GRIP1: variants seen among roughly 807,000 people sequenced by gnomAD.
GRIP1 encodes the protein glutamate receptor-interacting protein 1.
In GRIP1, 45 loss-of-function variants were observed where a neutral mutation model predicts 129.9. That is an observed-to-expected ratio of 0.35 (90% confidence interval 0.27 to 0.44). The LOEUF is 0.44. Ranked by LOEUF, GRIP1 falls within the 20% of genes least tolerant of loss-of-function variation. The pLI is 1.00. For synonymous variants in GRIP1, 530 were observed against 520.8 expected (o/e 1.02, Z -0.24); for missense variants, 1,196 against 1,396.8 (o/e 0.86, Z 2.29).
intron 1 of GRIP1, among the ~76,000 whole-genome samples, chr12:67,027,689 C>G (rs2042959927): frequency 6.6e-6 from 1 of 152,056 alleles, no homozygotes; most frequent in South Asian, 2.1e-4. Context: ...TAGGAATTAA[C>G]TAGAAAAGAG....
intron 1 of GRIP1, among the ~76,000 whole-genome samples, chr12:66,817,785 ATT>A (rs1173117160): frequency 6.6e-6 from 1 of 152,220 alleles, no homozygotes; most frequent in Non-Finnish European, 1.5e-5. Flanking sequence ...TAAGTCAAAT[ATT>A]TTATGAAAAA....
At chr12:66,405,782 T>C (rs2057169169) in intron 16 of GRIP1, among the ~76,000 whole-genome samples, 1 of 152,188 alleles carries the variant, frequency 6.6e-6, no homozygotes, top group South Asian at 2.1e-4. Flanking sequence ...TAAAGATGTC[T>C]ATAAGAGTAC....
intron 1 of GRIP1, among the ~76,000 whole-genome samples, chr12:66,757,580 A>G (rs977033345): frequency 6.6e-6 from 1 of 152,202 alleles, no homozygotes. Flanking sequence ...CTTCCTCGAT[A>G]TACTAATTTC....
intron 2 of GRIP1, chr12:66,569,036 C>T (rs2062863562): frequency 2.5e-6 from 1 of 392,724 alleles, no homozygotes; most frequent in Non-Finnish European, 5.0e-6. Flanking sequence ...TGGTCTTCAG[C>T]AGTCTGCATC....
chr12:66,827,273 C>T (rs1221714378), intron 1 of GRIP1, among the ~76,000 whole-genome samples: 6 of 151,804 alleles, frequency 4.0e-5, no homozygotes, highest in Admixed American at 1.3e-4. Context: ...TCTAAGCATA[C>T]TCAGAATGTT....
chr12:66,955,290 C>CTT (rs1405448845), intron 1 of GRIP1, among the ~76,000 whole-genome samples: 1 of 152,102 alleles, frequency 6.6e-6, no homozygotes, highest in Non-Finnish European at 1.5e-5. Flanking sequence ...ATTTGCATCT[C>CTT]TAACCAGTTC....
intron 5 of GRIP1, among the ~76,000 whole-genome samples, chr12:66,526,604 A>G (rs1234515074): frequency 6.6e-6 from 1 of 152,162 alleles, no homozygotes. Context: ...AATATCATTC[A>G]GGACATAGGC....
chr12:66,897,790 C>T (rs766385876), intron 1 of GRIP1, among the ~76,000 whole-genome samples: 1 of 152,138 alleles, frequency 6.6e-6, no homozygotes, highest in Non-Finnish European at 1.5e-5. Flanking sequence ...TTTTGAAATA[C>T]CTTTCTAATG....
chr12:66,547,958 A>C (rs1385587131), intron 2 of GRIP1, among the ~76,000 whole-genome samples: 1 of 152,220 alleles, frequency 6.6e-6, no homozygotes, highest in Admixed American at 6.5e-5. Context: ...CTACAACTGC[A>C]TATGAATCTA....
At chr12:66,846,804 A>G (rs1042979322) in intron 1 of GRIP1, among the ~76,000 whole-genome samples, 1 of 152,156 alleles carries the variant, frequency 6.6e-6, no homozygotes, top group African/African-American at 2.4e-5. Flanking sequence ...ATGTGGGGAA[A>G]CACCTGGGTC....
At chr12:66,890,322 A>T (rs989432630) in intron 1 of GRIP1, among the ~76,000 whole-genome samples, 1 of 152,200 alleles carries the variant, frequency 6.6e-6, no homozygotes, top group Non-Finnish European at 1.5e-5. Context: ...GCAATGCTTG[A>T]ACCACAAACA....
intron 1 of GRIP1, among the ~76,000 whole-genome samples, chr12:67,064,759 A>T (rs894628243): frequency 9.3e-5 from 14 of 151,260 alleles, no homozygotes; most frequent in Non-Finnish European, 1.8e-4. Flanking sequence ...ATATTTTTTT[A>T]TTATTATTAT....
intron 1 of GRIP1, among the ~76,000 whole-genome samples, chr12:66,850,524 T>C (rs1039311791): frequency 9.9e-5 from 15 of 152,084 alleles, no homozygotes; most frequent in Admixed American, 9.2e-4. Flanking sequence ...AAGTCACATA[T>C]CTTGATGCAA....
At chr12:66,913,467 A>G (rs2041066777) in intron 1 of GRIP1, among the ~76,000 whole-genome samples, 2 of 152,238 alleles carry the variant, frequency 1.3e-5, no homozygotes, top group South Asian at 2.1e-4. Context: ...CCAGTAAAAC[A>G]TCTGGTTTTC....
intron 1 of GRIP1, among the ~76,000 whole-genome samples, chr12:66,818,126 T>G (rs1473948580): frequency 6.6e-6 from 1 of 152,244 alleles, no homozygotes; most frequent in Non-Finnish European, 1.5e-5. Flanking sequence ...TATCAGTTGT[T>G]CTTTCTTACA....
intron 1 of GRIP1, among the ~76,000 whole-genome samples, chr12:66,629,232 G>A (rs969101655): frequency 2.6e-5 from 4 of 152,168 alleles, no homozygotes; most frequent in African/African-American, 9.7e-5. Context: ...GGATATTCTT[G>A]GGAAGTTGAC....
chr12:66,726,306 T>C (rs1332312412), intron 1 of GRIP1, among the ~76,000 whole-genome samples: 1 of 152,148 alleles, frequency 6.6e-6, no homozygotes, highest in Non-Finnish European at 1.5e-5. Context: ...AAGACACAAG[T>C]CACTAGTTTG....
At chr12:66,838,944 G>C (rs1291801260) in intron 1 of GRIP1, among the ~76,000 whole-genome samples, 1 of 152,000 alleles carries the variant, frequency 6.6e-6, no homozygotes, top group East Asian at 1.9e-4. Flanking sequence ...TCAGAGTAGG[G>C]GCAGAAACAA....
chr12:66,846,261 C>T (rs1426437487), intron 1 of GRIP1, among the ~76,000 whole-genome samples: 1 of 152,152 alleles, frequency 6.6e-6, no homozygotes. Flanking sequence ...GACATTTTCC[C>T]TTGAACATCT....
Sources: gnomAD v4.1 joint callset for allele counts (sites outside exome capture counted in the v4.1 genomes callset) on GRCh38, gnomAD v4.1.1 for gene constraint, MANE v1.5 for transcripts, NCBI Gene and HGNC (gene_info 2026-07-23, HGNC 2026-07-21) for gene names.